Variants in CEP120 observed in about 807,000 individuals in gnomAD.
CEP120 encodes the protein centrosomal protein of 120 kDa.
Under a neutral mutation model 126.5 loss-of-function variants are expected in CEP120, and 113 were observed. The ratio of observed to expected loss-of-function variants is 0.89; its 90% CI spans 0.77 to 1.04. The LOEUF (loss-of-function observed/expected upper bound fraction) is 1.04, where lower values mean the gene tolerates loss of function less well. Ranked by LOEUF, CEP120 falls within the 50% of genes least tolerant of loss-of-function variation. CEP120 has a pLI of 0.00. For missense variants in CEP120, 1,230 were observed against 1,155.7 expected (o/e 1.06, Z -0.93); for synonymous variants, 400 against 394.3 (o/e 1.01, Z -0.17).
chr5:123,360,408 A>T (rs1442566793), intron 18 of CEP120, among the ~76,000 whole-genome samples: 6 of 151,864 alleles, frequency 4.0e-5, no homozygotes, highest in Admixed American at 6.6e-5. Context: ...TGACCTCAAA[A>T]TGTGTTTACA....
intron 3 of CEP120, among the ~76,000 whole-genome samples, chr5:123,413,905 AAAAT>A (rs1196610852): frequency 1.3e-5 from 2 of 152,252 alleles, no homozygotes; most frequent in African/African-American, 4.8e-5. Flanking sequence ...ATAACTCAGA[AAAAT>A]AAATCTGGAT....
At chr5:123,398,924 G>A (rs1432176392) in intron 5 of CEP120, among the ~76,000 whole-genome samples, 3 of 151,818 alleles carry the variant, frequency 2.0e-5, no homozygotes, top group African/African-American at 7.3e-5. Context: ...AATCCTGAGA[G>A]ATTTATTCTC....
chr5:123,372,756 T>G lies in CEP120; in HGVS notation c.2375A>C (p.Asn792Thr). 6.2e-7 allele frequency: 1 copy of G among 1,603,656 alleles called. No homozygotes were observed. The highest frequency in any genetic ancestry group is 2.2e-5 in the East Asian group (1 of 44,516). ...RLQQQLNDAE[N>T]KYKILEKEFQ... ...CTCTTTTTCCAAAATCTTATACTTA[T>G]TTTCAGCATCATTAAGCTGTATTAA... Residue 792 changes from asparagine (N) to threonine (T), a missense_variant, in exon 17 of 20, where the codon AAT becomes ACT. Physicochemically the swap from Asn to Thr is moderately conservative, Grantham distance 65 (BLOSUM62 0). Coordinates refer to ENST00000306467, the MANE Select transcript of CEP120 (RefSeq NM_001375405.1).
chr5:123,410,031 G>T (rs1014744387), intron 4 of CEP120, among the ~76,000 whole-genome samples: 1 of 137,804 alleles, frequency 7.3e-6, no homozygotes, highest in African/African-American at 2.7e-5. Context: ...ATTATAGCAA[G>T]GTTATAAAAT....
At position 123,346,091 on chromosome 5, in the gene CEP120, A is replaced by G. The variant is rs1171686968; in HGVS notation, c.*428T>C. 6.4e-6 allele frequency: 1 copy of G among 155,954 alleles called. No homozygotes were observed. The highest frequency in any genetic ancestry group is 1.4e-5 in the Non-Finnish European group (1 of 70,260). The allele number at this position is 155,954 out of a possible 1,614,324, so 9.7% of individuals were successfully genotyped here. On this transcript the variant is annotated 3_prime_UTR_variant, in exon 20 of 20. Transcript: ENST00000306467. ...ATCTAAAATGAGTTAAACTGGTTACAATTGGTCTCAACTTTTAAGAATTTA... is the reference window on the plus strand; with the variant it reads ...ATCTAAAATGAGTTAAACTGGTTACGATTGGTCTCAACTTTTAAGAATTTA...
At chr5:123,406,194 G>C (rs767293724) in intron 4 of CEP120, among the ~76,000 whole-genome samples, 8 of 149,756 alleles carry the variant, frequency 5.3e-5, no homozygotes, top group Admixed American at 2.7e-4. Flanking sequence ...AAAAACCACA[G>C]AACAGAACAG....
intron 14 of CEP120, among the ~76,000 whole-genome samples, chr5:123,378,916 T>C (rs1771449280): frequency 6.6e-6 from 1 of 151,634 alleles, no homozygotes; most frequent in African/African-American, 2.4e-5. Flanking sequence ...GAAAGGATGG[T>C]ATTTGAGGAC....
intron 5 of CEP120, among the ~76,000 whole-genome samples, chr5:123,394,997 G>A (rs1562062846): frequency 6.6e-6 from 1 of 152,240 alleles, no homozygotes; most frequent in Non-Finnish European, 1.5e-5. Context: ...CTGTTGTTAT[G>A]TGAGAATGGA....
intron 18 of CEP120, among the ~76,000 whole-genome samples, chr5:123,355,995 T>G (rs913335496): frequency 1.3e-5 from 2 of 152,094 alleles, no homozygotes; most frequent in Non-Finnish European, 2.9e-5. Context: ...TTTCTACATA[T>G]GGCTAGCCAG....
intron 16 of CEP120, among the ~76,000 whole-genome samples, chr5:123,375,179 CCTTT>C (rs1562026446): frequency 6.6e-6 from 1 of 152,070 alleles, no homozygotes; most frequent in African/African-American, 2.4e-5. Flanking sequence ...CTTCCTACCC[CCTTT>C]TTTTCCCCCA....
chr5:123,389,824 A>G, intron 8 of CEP120, 100 bp downstream of exon 8: 1 of 1,094,094 alleles, frequency 9.1e-7, no homozygotes, highest in Non-Finnish European at 1.3e-6. Context: ...CAAACCCACA[A>G]TTTTTACTTA....
chr5:123,363,302 T>C (rs1334280232), intron 18 of CEP120, among the ~76,000 whole-genome samples: 1 of 151,682 alleles, frequency 6.6e-6, no homozygotes, highest in African/African-American at 2.4e-5. Flanking sequence ...CTGAGTACTC[T>C]ATATGGCCTG....
intron 4 of CEP120, chr5:123,403,373 A>T (rs1397801103): frequency 4.5e-6 from 2 of 445,510 alleles, no homozygotes; most frequent in Admixed American, 5.1e-5. Context: ...AAGTTCAAAG[A>T]ATCATGGAGA....
Position 123,372,716 on chromosome 5 carries a change from C to T in CEP120, c.2415G>A (p.Lys805=). The stretch of plus-strand genomic sequence containing the variant: ...TTTCTGGTTTGTTGTTTTGCTGGTC[C>T]TTGAACTGTTGGAACTCTTTTTCCA... The part of the protein sequence containing the change: ...KILEKEFQQF[K]DQQNNKPEIR... Residue 805 remains lysine (K), a synonymous_variant, in exon 17 of 20, where the codon AAG becomes AAA. Transcript: ENST00000306467. 1.2e-6 allele frequency: 2 copies of T among 1,610,078 alleles called. No homozygotes were observed. The highest frequency in any genetic ancestry group is 1.7e-6 in the Non-Finnish European group (2 of 1,177,914).
At chr5:123,422,474 G>C in intron 1 of CEP120, 1 of 1,529,610 alleles carries the variant, frequency 6.5e-7, no homozygotes, top group Admixed American at 2.0e-5. Context: ...CACCTTTTAA[G>C]GAATGTATAA....
chr5:123,418,652 A>G (rs1774526575), intron 1 of CEP120, 137 bp from the exon 2 acceptor site: 2 of 669,904 alleles, frequency 3.0e-6, no homozygotes, highest in Non-Finnish European at 4.5e-6. Flanking sequence ...GCTGGAGTTC[A>G]GTAGCGCAAT....
At chr5:123,417,850 G>A (rs988757742) in intron 2 of CEP120, among the ~76,000 whole-genome samples, 19 of 152,158 alleles carry the variant, frequency 1.2e-4, no homozygotes, top group African/African-American at 4.3e-4. Flanking sequence ...CTCAGGCCTC[G>A]GTTTCCTCAT....
Position 123,422,959 on chromosome 5 carries a change from T to G in CEP120, c.40A>C (p.Ile14Leu). The change falls in exon 1 of 20, where the codon ATC (isoleucine) becomes CTC (leucine). Residue 14 changes from isoleucine to leucine, a missense_variant. Coordinates refer to ENST00000306467, the MANE Select transcript of CEP120 (RefSeq NM_001375405.1). ...GCCTCAGGCTGCTCACCTTCTAGGA[T>G]GGACACGACGATGAGCAATTGGTCG... Reference protein sequence around the residue: ...KSDQLLIVVSILEGRHFPKRP... With the variant: ...KSDQLLIVVSLLEGRHFPKRP... The G allele has an allele frequency of 1.2e-6, 2 of 1,614,128 alleles. No homozygotes were observed. The highest frequency in any genetic ancestry group is 2.2e-5 in the South Asian group (2 of 91,088).
chr5:123,392,299 T>A (rs147168534), intron 6 of CEP120, among the ~76,000 whole-genome samples: 5 of 152,358 alleles, frequency 3.3e-5, no homozygotes, highest in African/African-American at 1.2e-4. Context: ...GTCACCATTT[T>A]ATATAGTCTT....
Sources: allele counts gnomAD v4.1 joint callset (sites outside exome capture counted in the v4.1 genomes callset), GRCh38; gene constraint gnomAD v4.1.1; transcripts MANE v1.5; gene names NCBI Gene and HGNC (gene_info 2026-07-23, HGNC 2026-07-21).